Variants in SLC12A1 observed in about 807,000 individuals in gnomAD.
SLC12A1 encodes the protein solute carrier family 12 member 1.
SLC12A1 carries 89 observed loss-of-function variants against 130.4 expected under a neutral mutation model. That is an observed-to-expected ratio of 0.68 (90% CI 0.58 to 0.81). The LOEUF (loss-of-function observed/expected upper bound fraction) is 0.81. Ranked by LOEUF, SLC12A1 falls within the 40% of genes least tolerant of loss-of-function variation. SLC12A1 has a pLI of 0.00. For synonymous variants in SLC12A1, 499 were observed against 460.0 expected, an observed-to-expected ratio of 1.08 and a Z score of -1.09; for missense variants, 1,310 against 1,336.4, an observed-to-expected ratio of 0.98 and a Z score of 0.31.
At chr15:48,269,615 C>T (rs773126210) in intron 18 of SLC12A1, 43 bp from the exon 19 acceptor site, 3 of 1,013,370 alleles carry the variant, frequency 3.0e-6, no homozygotes, top group Non-Finnish European at 4.7e-6. Context: ...GGTAGTTTCC[C>T]AGTACGGTAA....
chr15:48,262,717 A>G (rs754772702), intron 17 of SLC12A1, among the ~76,000 whole-genome samples: 13 of 152,204 alleles, frequency 8.5e-5, no homozygotes, highest in Middle Eastern at 3.2e-3. Flanking sequence ...TTCTATCCCA[A>G]TAGGCTTTAT....
intron 20 of SLC12A1, among the ~76,000 whole-genome samples, chr15:48,278,434 T>C (rs1481276607): frequency 6.6e-6 from 1 of 152,200 alleles, no homozygotes; most frequent in Admixed American, 6.5e-5. Context: ...TTCAAACCTG[T>C]ATCTGTTTGA....
Position 48,226,573 on chromosome 15 carries a change from T to A in SLC12A1, c.724+2T>A, listed in dbSNP as rs1221259716. 1 of 1,585,566 alleles carries A rather than the reference T, an allele frequency of 6.3e-7. No homozygotes were observed. The highest frequency in any genetic ancestry group is 1.3e-5 in the African/African-American group (1 of 74,286). ...CAACTAACGGGTTTGTTCGTGGAGG[T>A]AAAATCTCTAAGATATCTAATGCCC... is the stretch of plus-strand genomic sequence containing the variant. On this transcript the variant is annotated splice_donor_variant, in intron 5 of 26. Transcript: ENST00000380993. LOFTEE classifies it high-confidence loss of function.
chr15:48,210,318 A>G (rs1188368187), intron 2 of SLC12A1, among the ~76,000 whole-genome samples: 1 of 152,178 alleles, frequency 6.6e-6, no homozygotes. Flanking sequence ...ATAATTTTTA[A>G]ATCTGCCTCC....
At chr15:48,259,141 G>A (rs1327209017) in intron 16 of SLC12A1, 59 bp from the exon 17 acceptor site, 30 of 1,097,952 alleles carry the variant, frequency 2.7e-5, no homozygotes, top group Non-Finnish European at 3.7e-5. Context: ...CACTGGAATG[G>A]TTCTAAGGTT....
Position 48,241,495 on chromosome 15 carries a change from T to C in SLC12A1, c.1216-20T>C. ...TTATTCTGCTCTGTATTCTTCTACC[T>C]CCACATTATTTTTTTAAAGGATCCC... On this transcript the variant is annotated intron_variant, in intron 9 of 26. Transcript: ENST00000380993. The C allele has an allele frequency of 1.3e-6, 2 of 1,566,254 alleles. No individual in the cohort carries two copies. Among genetic ancestry groups the C allele is most frequent in the Non-Finnish European group, 1.8e-6 (2 of 1,136,380 alleles).
At chr15:48,211,924 A>G (rs2041056547) in intron 2 of SLC12A1, among the ~76,000 whole-genome samples, 1 of 152,204 alleles carries the variant, frequency 6.6e-6, no homozygotes, top group African/African-American at 2.4e-5. Flanking sequence ...TATGTTAGTA[A>G]AGAGCTAAAT....
At chr15:48,252,489 T>C (rs1163595125) in intron 15 of SLC12A1, among the ~76,000 whole-genome samples, 1 of 152,028 alleles carries the variant, frequency 6.6e-6, no homozygotes, top group Non-Finnish European at 1.5e-5. Context: ...CCTCAAGGAG[T>C]TCACAGAGTC....
intron 17 of SLC12A1, among the ~76,000 whole-genome samples, chr15:48,259,992 G>T (rs923688133): frequency 1.3e-5 from 2 of 152,118 alleles, no homozygotes; most frequent in Non-Finnish European, 2.9e-5. Flanking sequence ...AAGCCAAAGG[G>T]TGCAGTGGCT....
chr15:48,233,986 A>T (rs1381325110), intron 8 of SLC12A1, among the ~76,000 whole-genome samples: 2 of 152,180 alleles, frequency 1.3e-5, no homozygotes, highest in Non-Finnish European at 2.9e-5. Flanking sequence ...TATTAACAAA[A>T]CTTCTCATCA....
chr15:48,264,426 G>C (rs1472933920), intron 17 of SLC12A1, among the ~76,000 whole-genome samples: 6 of 151,996 alleles, frequency 3.9e-5, no homozygotes, highest in Non-Finnish European at 7.4e-5. Context: ...TTATAACCCA[G>C]GGAAAACTAA....
At position 48,235,281 on chromosome 15, in the gene SLC12A1, A is replaced by C. The variant is rs189448368; in HGVS notation, c.1215+277A>C. 2.4e-3 allele frequency: 984 copies of C among 416,462 alleles called. 1 individual carries two copies. The highest frequency in any genetic ancestry group is 3.5e-3 in the South Asian group (106 of 30,254). 25.8% of individuals were successfully genotyped at this position (416,462 alleles called of 1,614,324 possible). A position where few individuals can be genotyped will look rare whatever the true frequency, so the allele number is the denominator to read the frequency against. ...CCCAAAATAAATGTAGTTCAGTGAAAAAAATACCAGAACCACCCTTTCTCT... is the reference window on the plus strand; with the variant it reads ...CCCAAAATAAATGTAGTTCAGTGAACAAAATACCAGAACCACCCTTTCTCT... On this transcript the variant is annotated intron_variant, in intron 9 of 26. Transcript: ENST00000380993.
At position 48,240,033 on chromosome 15, in the gene SLC12A1, ATATATAT is replaced by A. The variant is rs2041488400; in HGVS notation, c.1216-1481_1216-1475del. Among the ~76,000 whole-genome samples, 3 of 15,452 alleles carry A rather than the reference ATATATAT, an allele frequency of 1.9e-4. No individual in the cohort carries two copies. The East Asian group carries it at 2.8e-3, about 15-fold the overall frequency. 10.1% of individuals were successfully genotyped at this position (15,452 alleles called of 152,430 possible). On this transcript the variant is annotated intron_variant, in intron 9 of 26. Coordinates refer to ENST00000380993, the MANE Select transcript of SLC12A1 (RefSeq NM_000338.3). ...TCCATATATATATATATATATCCAT[ATATATAT>A]ATATATATCCATATATATATATATA...
In SLC12A1 at chr15:48,208,116, G is replaced by T; in HGVS notation, c.397G>T (p.Glu133Ter). Residue 133 changes from glutamate (E) to a stop codon, truncating the protein, a stop_gained, in exon 2 of 27, where the codon GAG becomes TAG. Transcript: ENST00000380993. LOFTEE classifies it high-confidence loss of function. ...GPKVNRPSLL[E>*]IHEQLAKNVA... ...CAAGGTCAACCGACCCAGCCTGCTTGAGATTCACGAGCAACTCGCAAAGGT... is the reference window on the plus strand; with the variant it reads ...CAAGGTCAACCGACCCAGCCTGCTTTAGATTCACGAGCAACTCGCAAAGGT... The T allele has an allele frequency of 6.3e-7, 1 of 1,591,336 alleles. No individual in the cohort carries two copies. The highest frequency in any genetic ancestry group is 1.3e-5 in the African/African-American group (1 of 74,282).
chr15:48,257,569 C>A (rs972342167), intron 16 of SLC12A1, among the ~76,000 whole-genome samples: 1 of 152,198 alleles, frequency 6.6e-6, no homozygotes, highest in East Asian at 1.9e-4. Context: ...CCCACAGGAC[C>A]AACACCACAT....
At chr15:48,236,931 A>C (rs1567315160) in intron 9 of SLC12A1, 6 of 662,486 alleles carry the variant, frequency 9.1e-6, no homozygotes, top group Non-Finnish European at 1.6e-5. Context: ...TTTGTATCAG[A>C]TGTATAGCAG....
chr15:48,254,873 C>G (rs908519789), intron 15 of SLC12A1, among the ~76,000 whole-genome samples: 2 of 151,574 alleles, frequency 1.3e-5, no homozygotes, highest in Admixed American at 6.6e-5. Flanking sequence ...GCAGTAAGCC[C>G]AGATCGCGCC....
At chr15:48,283,770 T>C (rs1325622421) in intron 20 of SLC12A1, among the ~76,000 whole-genome samples, 1 of 152,230 alleles carries the variant, frequency 6.6e-6, no homozygotes, top group Non-Finnish European at 1.5e-5. Context: ...ATCTAGGTTT[T>C]CTATCCTCTT....
At chr15:48,292,970 T>C (rs1360061852) in intron 24 of SLC12A1, among the ~76,000 whole-genome samples, 1 of 152,108 alleles carries the variant, frequency 6.6e-6, no homozygotes, top group East Asian at 1.9e-4. Context: ...GGCTGGAGTG[T>C]AGCAGTGCAA....
Sources: allele counts gnomAD v4.1 joint callset (sites outside exome capture counted in the v4.1 genomes callset), GRCh38; gene constraint gnomAD v4.1.1; transcripts MANE v1.5; gene names NCBI Gene and HGNC (gene_info 2026-07-23, HGNC 2026-07-21).